The following ST6GAL1 variants were observed in gnomAD, a reference collection of about 807,000 sequenced individuals.
ST6GAL1 encodes ST6 beta-galactoside alpha-2,6-sialyltransferase 1, also known as beta-galactoside alpha-2,6-sialyltransferase 1.
Under a neutral mutation model 38.0 loss-of-function variants are expected in ST6GAL1, and 20 were observed. That is an observed-to-expected ratio of 0.53 (90% confidence interval 0.37 to 0.77). ST6GAL1 has a LOEUF of 0.77. Ranked by LOEUF, ST6GAL1 falls within the 30% of genes least tolerant of loss-of-function variation. The pLI is 0.00. For missense variants in ST6GAL1, 432 were observed against 496.4 expected (o/e 0.87, Z 1.23); for synonymous variants, 196 against 188.2 (o/e 1.04, Z -0.34).
At chr3:187,027,495 CTCTAAG>C (rs1422727301) in intron 2 of ST6GAL1, among the ~76,000 whole-genome samples, 5 of 152,144 alleles carry the variant, frequency 3.3e-5, no homozygotes, top group African/African-American at 9.7e-5. Context: ...TTTGGGTGTG[CTCTAAG>C]TCTGAGAATC....
chr3:187,076,991 A>G lies in ST6GAL1; in HGVS notation c.*1188A>G, dbSNP rs1162529498. ...ACCACCATCTGTTTTTTTTTTTTAA[A>G]GCATTTTTTGCTTTAAAAGCATCCT... is the stretch of plus-strand genomic sequence containing the variant. On this transcript the variant is annotated 3_prime_UTR_variant, in exon 8 of 8. Transcript: ENST00000169298. 3 of 376,814 alleles carry G rather than the reference A, an allele frequency of 8.0e-6. No individual in the cohort carries two copies. The highest frequency in any genetic ancestry group is 1.4e-5 in the Non-Finnish European group (3 of 220,906). The allele number at this position is 376,814 out of a possible 1,614,324, so 23.3% of individuals were successfully genotyped here.
At chr3:186,996,162 A>G (rs946894238) in intron 2 of ST6GAL1, among the ~76,000 whole-genome samples, 3 of 152,210 alleles carry the variant, frequency 2.0e-5, no homozygotes, top group African/African-American at 7.2e-5. Context: ...TAGCAGTAAT[A>G]TTTGAAGGAC....
chr3:186,994,299 G>C (rs1157336490), intron 2 of ST6GAL1, among the ~76,000 whole-genome samples: 67 of 152,212 alleles, frequency 4.4e-4, no homozygotes, highest in Admixed American at 4.4e-3. Flanking sequence ...TGAGCAGCTT[G>C]TTGGTCCAGG....
intron 2 of ST6GAL1, among the ~76,000 whole-genome samples, chr3:187,016,750 G>A (rs1717129812): frequency 6.6e-6 from 1 of 152,170 alleles, no homozygotes; most frequent in Non-Finnish European, 1.5e-5. Context: ...CAATGATGTG[G>A]GCCAAGAGCA....
At position 186,967,484 on chromosome 3, in the gene ST6GAL1, G is replaced by T. The variant is rs147049990; in HGVS notation, c.-183+3558G>T. Among the ~76,000 whole-genome samples the T allele has an allele frequency of 1.7e-3, 258 of 152,320 alleles. 2 individuals carry two copies. The highest frequency in any genetic ancestry group is 1.5e-3 in the Non-Finnish European group (99 of 68,034). On this transcript the variant is annotated intron_variant, in intron 2 of 7. Coordinates refer to ENST00000169298, the MANE Select transcript of ST6GAL1 (RefSeq NM_173216.2). ...CGGGATTACAAGTGTGAGCGACTGC[G>T]CCTGGCCCGAACACAGAGTTTTAAG...
At chr3:187,036,300 A>G (rs1272268639) in intron 2 of ST6GAL1, among the ~76,000 whole-genome samples, 2 of 152,214 alleles carry the variant, frequency 1.3e-5, no homozygotes, top group Admixed American at 1.3e-4. Context: ...ACTGTTGTTG[A>G]GAATGTTAAT....
intron 2 of ST6GAL1, among the ~76,000 whole-genome samples, chr3:187,034,187 A>ATCTT (rs1717850269): frequency 1.3e-5 from 2 of 152,170 alleles, no homozygotes; most frequent in African/African-American, 4.8e-5. Flanking sequence ...GAAACTCACA[A>ATCTT]TCTTTCAAGA....
intron 1 of ST6GAL1, among the ~76,000 whole-genome samples, chr3:186,945,859 T>C (rs533218328): frequency 8.7e-5 from 13 of 149,394 alleles, no homozygotes; most frequent in South Asian, 2.1e-4. Flanking sequence ...GGCGTGGTGG[T>C]GGGCACCTGC....
chr3:187,025,883 C>G (rs949385937), intron 2 of ST6GAL1, among the ~76,000 whole-genome samples: 1 of 152,162 alleles, frequency 6.6e-6, no homozygotes, highest in African/African-American at 2.4e-5. Flanking sequence ...GGGAAATGTA[C>G]TCAGGGAAAT....
intron 2 of ST6GAL1, among the ~76,000 whole-genome samples, chr3:187,010,794 G>C (rs562985231): frequency 6.6e-6 from 1 of 152,156 alleles, no homozygotes; most frequent in African/African-American, 2.4e-5. Flanking sequence ...AAAGCCCCGC[G>C]TCTATCACCT....
chr3:186,977,834 C>T (rs956349872), intron 2 of ST6GAL1, among the ~76,000 whole-genome samples: 6 of 152,208 alleles, frequency 3.9e-5, no homozygotes, highest in African/African-American at 1.4e-4. Flanking sequence ...TTGTAGTGGT[C>T]ACTATCCTCA....
Position 187,043,133 on chromosome 3 carries a change from C to G in ST6GAL1, c.430C>G (p.Leu144Val). Residue 144 changes from leucine to valine, a missense_variant, in exon 4 of 8, where the codon CTC becomes GTC. Transcript: ENST00000169298. The part of the protein sequence containing the change: ...KFSAEALRCH[L>V]RDHVNVSMVE... Reference sequence around the variant, plus strand: ...CAGTGCAGAGGCCCTGCGCTGCCACCTCCGGGACCATGTGAATGTATCCAT... The same window carrying G: ...CAGTGCAGAGGCCCTGCGCTGCCACGTCCGGGACCATGTGAATGTATCCAT... 6.2e-7 allele frequency: 1 copy of G among 1,614,242 alleles called. No homozygotes were observed. The highest frequency in any genetic ancestry group is 8.5e-7 in the Non-Finnish European group (1 of 1,180,040).
At chr3:187,040,520 C>T (rs1718090258) in intron 3 of ST6GAL1, among the ~76,000 whole-genome samples, 1 of 152,216 alleles carries the variant, frequency 6.6e-6, no homozygotes, top group Non-Finnish European at 1.5e-5. Flanking sequence ...ACCCTATAAC[C>T]TTGCTAAGTC....
chr3:186,998,369 T>G (rs2108550930), intron 2 of ST6GAL1, among the ~76,000 whole-genome samples: 1 of 152,384 alleles, frequency 6.6e-6, no homozygotes, highest in Middle Eastern at 3.4e-3. Flanking sequence ...GTGTTTTATA[T>G]ACTGTATTCT....
chr3:187,062,660 G>A (rs1718962645), intron 5 of ST6GAL1, among the ~76,000 whole-genome samples: 1 of 151,982 alleles, frequency 6.6e-6, no homozygotes, highest in Non-Finnish European at 1.5e-5. Context: ...GGGGAATGGG[G>A]AGTTACTGTT....
At chr3:186,979,285 A>C (rs1286258137) in intron 2 of ST6GAL1, among the ~76,000 whole-genome samples, 1 of 152,176 alleles carries the variant, frequency 6.6e-6, no homozygotes, top group African/African-American at 2.4e-5. Context: ...TTAGTTGACC[A>C]GTGAGCTATG....
At chr3:187,035,255 A>T (rs1247102624) in intron 2 of ST6GAL1, among the ~76,000 whole-genome samples, 1 of 152,248 alleles carries the variant, frequency 6.6e-6, no homozygotes, top group African/African-American at 2.4e-5. Flanking sequence ...GTCATGGATG[A>T]CACAAACTAA....
At chr3:187,064,007 C>T (rs115892216) in intron 5 of ST6GAL1, among the ~76,000 whole-genome samples, 2,542 of 152,188 alleles carry the variant, frequency 0.017, 74 homozygotes, top group African/African-American at 0.059. Flanking sequence ...ATGGGCACTA[C>T]TGAAACCTGA....
chr3:187,071,741 C>T (rs1188834971), intron 5 of ST6GAL1, among the ~76,000 whole-genome samples: 1 of 132,302 alleles, frequency 7.6e-6, no homozygotes, highest in Non-Finnish European at 1.5e-5. Flanking sequence ...GCCTGGGCGA[C>T]ACAGGCTGTG....
Sources: allele counts gnomAD v4.1 joint callset (sites outside exome capture counted in the v4.1 genomes callset), GRCh38; gene constraint gnomAD v4.1.1; transcripts MANE v1.5; gene names NCBI Gene and HGNC (gene_info 2026-07-23, HGNC 2026-07-21).